The following ZNF804B variants were observed in gnomAD, a reference collection of about 807,000 sequenced individuals.
The protein encoded by ZNF804B is zinc finger 804B.
Under a neutral mutation model 101.4 loss-of-function variants are expected in ZNF804B, and 80 were observed. The observed-to-expected ratio is 0.79, with a 90% CI of 0.66 to 0.95. The LOEUF (loss-of-function observed/expected upper bound fraction) is 0.95. ZNF804B is among the 40% of genes least tolerant of loss of function. ZNF804B has a pLI of 0.00. For missense variants in ZNF804B, 1,673 were observed against 1,561.9 expected, an observed-to-expected ratio of 1.07 and a Z score of -1.20; for synonymous variants, 622 against 558.8, an observed-to-expected ratio of 1.11 and a Z score of -1.59.
intron 1 of ZNF804B, among the ~76,000 whole-genome samples, chr7:88,824,565 T>C (rs981126611): frequency 6.6e-6 from 1 of 152,184 alleles, no homozygotes; most frequent in Non-Finnish European, 1.5e-5. Context: ...AATCAACATA[T>C]GTACAAACTT....
intron 1 of ZNF804B, among the ~76,000 whole-genome samples, chr7:89,046,174 T>C (rs1286833060): frequency 6.6e-6 from 1 of 151,860 alleles, no homozygotes; most frequent in Non-Finnish European, 1.5e-5. Context: ...GGGTGTTTTT[T>C]TTCCTCTTTT....
Position 89,333,259 on chromosome 7 carries a change from T to C in ZNF804B, c.381-104T>C, listed in dbSNP as rs567842558. On this transcript the variant is annotated intron_variant, in intron 3 of 3. Coordinates refer to ENST00000333190, the MANE Select transcript of ZNF804B (RefSeq NM_181646.5). ...GTTATGTTTTAGAAGATGTAGCTCA[T>C]AAAATGTAAAATAACTCATCTTAGA... is the stretch of plus-strand genomic sequence containing the variant. The C allele has an allele frequency of 8.9e-4, 1,035 of 1,164,634 alleles. 1 individual carries two copies. Among genetic ancestry groups the C allele is most frequent in the Non-Finnish European group, 1.1e-3 (938 of 860,404 alleles). 72.1% of individuals were successfully genotyped at this position (1,164,634 alleles called of 1,614,324 possible).
chr7:89,111,519 A>G (rs548057142), intron 1 of ZNF804B, among the ~76,000 whole-genome samples: 1 of 152,258 alleles, frequency 6.6e-6, no homozygotes, highest in South Asian at 2.1e-4. Context: ...TGCCACATGA[A>G]TGTCTTTAGT....
At position 89,336,367 on chromosome 7, in the gene ZNF804B, G is replaced by A. The variant is rs764918007; in HGVS notation, c.3385G>A (p.Glu1129Lys). ...DRTMQKPDKV[E>K]DGLEMCHKSI... The stretch of plus-strand genomic sequence containing the variant: ...AACTATGCAGAAACCTGACAAAGTC[G>A]AAGACGGATTAGAAATGTGTCATAA... The change falls in exon 4 of 4, where the codon GAA becomes AAA. Residue 1129 changes from glutamate to lysine, a missense_variant. Physicochemically the swap from Glu to Lys is moderately conservative, Grantham distance 56. Coordinates refer to ENST00000333190, the MANE Select transcript of ZNF804B (RefSeq NM_181646.5). The A allele has an allele frequency of 2.0e-5, 33 of 1,613,844 alleles. No individual in the cohort carries two copies. The highest frequency in any genetic ancestry group is 1.6e-4 in the East Asian group (7 of 44,876).
At chr7:88,976,101 G>T (rs1444586094) in intron 1 of ZNF804B, among the ~76,000 whole-genome samples, 2 of 151,436 alleles carry the variant, frequency 1.3e-5, no homozygotes, top group Admixed American at 6.6e-5. Flanking sequence ...TTTATTTTTG[G>T]GTTCTCTATT....
At chr7:88,941,460 G>T (rs1300109078) in intron 1 of ZNF804B, among the ~76,000 whole-genome samples, 1 of 151,968 alleles carries the variant, frequency 6.6e-6, no homozygotes, top group Non-Finnish European at 1.5e-5. Context: ...GCAATAAAAA[G>T]ACGTGGTGGA....
At chr7:89,205,390 A>G (rs1788700370) in intron 1 of ZNF804B, among the ~76,000 whole-genome samples, 1 of 152,226 alleles carries the variant, frequency 6.6e-6, no homozygotes, top group Non-Finnish European at 1.5e-5. Context: ...CCAAAGTCTC[A>G]TCTGAGAAAA....
chr7:89,067,012 CTT>C (rs929477106), intron 1 of ZNF804B, among the ~76,000 whole-genome samples: 2 of 151,888 alleles, frequency 1.3e-5, no homozygotes, highest in Admixed American at 6.6e-5. Flanking sequence ...ATATCTAACT[CTT>C]TTTTCTACAC....
At chr7:88,941,020 A>T (rs1793047720) in intron 1 of ZNF804B, among the ~76,000 whole-genome samples, 1 of 151,908 alleles carries the variant, frequency 6.6e-6, no homozygotes, top group Non-Finnish European at 1.5e-5. Context: ...ATATGAAAAG[A>T]TGCTTAACAT....
intron 1 of ZNF804B, among the ~76,000 whole-genome samples, chr7:88,789,554 T>C (rs1048170848): frequency 2.0e-5 from 3 of 152,128 alleles, no homozygotes; most frequent in Non-Finnish European, 4.4e-5. Flanking sequence ...AAAGGTACTT[T>C]TTGGGTTCTC....
chr7:88,759,982 T>C lies in ZNF804B; in HGVS notation c.6T>C (p.Ala2=). 1 of 1,614,132 alleles carries C rather than the reference T, an allele frequency of 6.2e-7. No homozygotes were observed. The highest frequency in any genetic ancestry group is 1.1e-5 in the South Asian group (1 of 91,084). The change falls in exon 1 of 4, where the codon GCT becomes GCC. Residue 2 remains alanine (A), a synonymous_variant. Coordinates refer to ENST00000333190, the MANE Select transcript of ZNF804B (RefSeq NM_181646.5). M[A]CYLVISSRHL... is the part of the protein sequence containing the mutation. ...GCGCCTCCGCCCGGACCCACATGGCTTGTTACCTGGTCATCAGTTCGAGAC... is the reference window on the plus strand; with the variant it reads ...GCGCCTCCGCCCGGACCCACATGGCCTGTTACCTGGTCATCAGTTCGAGAC...
intron 1 of ZNF804B, among the ~76,000 whole-genome samples, chr7:88,913,647 C>T (rs1473564392): frequency 4.6e-5 from 7 of 152,140 alleles, no homozygotes; most frequent in South Asian, 2.1e-4. Context: ...CCACCCGCCT[C>T]GGCCTCCCAA....
Position 89,327,226 on chromosome 7 carries a change from T to G in ZNF804B, c.250-118T>G, listed in dbSNP as rs1790909371. 8.8e-6 allele frequency: 8 copies of G among 904,108 alleles called. No individual in the cohort carries two copies. The Admixed American group carries it at 2.4e-4, about 27-fold the overall frequency. 56.0% of individuals were successfully genotyped at this position (904,108 alleles called of 1,614,324 possible). ...GCAACAATGGAGAAGATACTTTTAC[T>G]CTTTCTGCCCAGAAAGTCACCTCTG... On this transcript the variant is annotated intron_variant, in intron 2 of 3. Coordinates refer to ENST00000333190, the MANE Select transcript of ZNF804B (RefSeq NM_181646.5).
At chr7:88,811,949 T>C (rs1770498745) in intron 1 of ZNF804B, among the ~76,000 whole-genome samples, 1 of 152,180 alleles carries the variant, frequency 6.6e-6, no homozygotes, top group African/African-American at 2.4e-5. Context: ...CTGCACACCC[T>C]GCACATGTAC....
At chr7:89,243,453 A>G (rs1208823) in intron 2 of ZNF804B, among the ~76,000 whole-genome samples, 36,116 of 151,606 alleles carry the variant, frequency 0.24, 4,541 homozygotes, top group Non-Finnish European at 0.27. Flanking sequence ...ATTTGAGTTG[A>G]GAAGAACCAA....
chr7:89,032,302 G>C (rs182176094), intron 1 of ZNF804B, among the ~76,000 whole-genome samples: 194 of 151,704 alleles, frequency 1.3e-3, no homozygotes, highest in African/African-American at 4.4e-3. Context: ...TCTTGTGTTG[G>C]GGGGACAGGA....
At chr7:89,057,930 C>T (rs1173290793) in intron 1 of ZNF804B, among the ~76,000 whole-genome samples, 1 of 152,010 alleles carries the variant, frequency 6.6e-6, no homozygotes, top group Non-Finnish European at 1.5e-5. Context: ...AAAAACTAAT[C>T]TAGAAAATGA....
chr7:89,136,288 A>G (rs1031308948), intron 1 of ZNF804B, among the ~76,000 whole-genome samples: 1 of 152,106 alleles, frequency 6.6e-6, no homozygotes, highest in Non-Finnish European at 1.5e-5. Flanking sequence ...TATTCACTGT[A>G]TTCAGGTAAG....
At chr7:89,034,419 G>T (rs1788889241) in intron 1 of ZNF804B, among the ~76,000 whole-genome samples, 1 of 151,490 alleles carries the variant, frequency 6.6e-6, no homozygotes, top group Non-Finnish European at 1.5e-5. Context: ...CCCCCCGCCA[G>T]GCCCTGGTGT....
Sources: gnomAD v4.1 joint callset for allele counts (sites outside exome capture counted in the v4.1 genomes callset) on GRCh38, gnomAD v4.1.1 for gene constraint, MANE v1.5 for transcripts, NCBI Gene and HGNC (gene_info 2026-07-23, HGNC 2026-07-21) for gene names.